Variants in PCLO observed in about 807,000 individuals in gnomAD.
The protein encoded by PCLO is piccolo presynaptic cytomatrix protein, also known as protein piccolo.
Under a neutral mutation model 427.5 loss-of-function variants are expected in PCLO, and 82 were observed. That is an observed-to-expected ratio of 0.19 (90% CI 0.16 to 0.23). PCLO has a LOEUF of 0.23. Ranked by LOEUF, PCLO falls within the 10% of genes least tolerant of loss-of-function variation. PCLO has a pLI of 1.00. For synonymous variants in PCLO, 2,357 were observed against 2,155.4 expected (o/e 1.09, Z -2.59); for missense variants, 6,239 against 6,115.9 (o/e 1.02, Z -0.67).
At position 82,916,506 on chromosome 7, in the gene PCLO, A is replaced by T. The variant is rs780625728; in HGVS notation, c.11480T>A (p.Val3827Glu). 3.7e-5 allele frequency: 59 copies of T among 1,613,230 alleles called. No homozygotes were observed. Among genetic ancestry groups the T allele is most frequent in the Non-Finnish European group, 2.6e-5 (31 of 1,179,704 alleles). Residue 3827 changes from valine to glutamate, a missense_variant, in exon 7 of 25, where the codon GTA becomes GAA. This residue lies in a region of PCLO where 680 missense variants were observed against 677.3 expected (regional missense o/e 1.00). Transcript: ENST00000333891. ...EKRERAYLQG[V>E]AEDRDYMSDS... is the part of the protein sequence containing the mutation. ...AGACATGTAATCACGATCCTCAGCT[A>T]CTCCCTGGAGGTAGGCTCGTTCTCT...
At chr7:82,865,916 T>C (rs541967336) in intron 10 of PCLO, among the ~76,000 whole-genome samples, 1 of 152,168 alleles carries the variant, frequency 6.6e-6, no homozygotes, top group Admixed American at 6.5e-5. Context: ...AGTGATCCTA[T>C]TTAAACGTCA....
intron 3 of PCLO, among the ~76,000 whole-genome samples, chr7:83,102,222 T>C (rs1292036579): frequency 6.6e-6 from 1 of 151,960 alleles, no homozygotes; most frequent in Non-Finnish European, 1.5e-5. Context: ...ATCAGAATTA[T>C]CAACTCCTGC....
At chr7:82,803,644 C>G (rs1722466248) in intron 21 of PCLO, among the ~76,000 whole-genome samples, 1 of 151,400 alleles carries the variant, frequency 6.6e-6, no homozygotes, top group East Asian at 2.0e-4. Context: ...TTCCCAATGA[C>G]TACACTTTAG....
chr7:83,115,187 T>C (rs963330929), intron 3 of PCLO, among the ~76,000 whole-genome samples: 5 of 152,106 alleles, frequency 3.3e-5, no homozygotes, highest in African/African-American at 7.2e-5. Context: ...AAAGGTATAT[T>C]GTTACCGTGT....
At chr7:82,973,286 G>A (rs1411696901) in intron 3 of PCLO, among the ~76,000 whole-genome samples, 1 of 151,966 alleles carries the variant, frequency 6.6e-6, no homozygotes, top group African/African-American at 2.4e-5. Flanking sequence ...TTCTTTTACC[G>A]AGGCTGTGCA....
intron 22 of PCLO, among the ~76,000 whole-genome samples, chr7:82,800,885 A>C (rs1791334059): frequency 6.6e-6 from 1 of 152,000 alleles, no homozygotes; most frequent in African/African-American, 2.4e-5. Flanking sequence ...GTGCCCAGCC[A>C]GGGATACTAG....
chr7:82,965,639 CTTCT>C (rs1428856559), intron 4 of PCLO, 128 bp downstream of exon 4: 3 of 616,042 alleles, frequency 4.9e-6, no homozygotes, highest in Non-Finnish European at 8.4e-6. Context: ...AAGTGTTATA[CTTCT>C]TTAAGAATGT....
intron 3 of PCLO, among the ~76,000 whole-genome samples, chr7:83,036,427 G>T (rs1168010662): frequency 6.6e-6 from 1 of 152,162 alleles, no homozygotes; most frequent in Admixed American, 6.6e-5. Context: ...TTGATTGCTA[G>T]TTAATCTAGA....
intron 3 of PCLO, among the ~76,000 whole-genome samples, chr7:82,978,843 CACACACACACACAA>C (rs1358467931): frequency 1.8e-5 from 2 of 110,800 alleles, no homozygotes; most frequent in African/African-American, 3.7e-5. Flanking sequence ...GAAACACACA[CACACACACACACAA>C]ACACACACAC....
Position 82,915,885 on chromosome 7 carries a change from A to G in PCLO, c.12101T>C (p.Phe4034Ser). Residue 4034 changes from phenylalanine to serine, a missense_variant, in exon 7 of 25, where the codon TTC becomes TCC. Phe to Ser is a radical substitution (Grantham distance 155). Coordinates refer to ENST00000333891, the MANE Select transcript of PCLO (RefSeq NM_033026.6). ...SPISSISADSFYADIDHHTPR... is the reference protein window; with the variant it reads ...SPISSISADSSYADIDHHTPR... ...AGTATGGTGATCAATATCTGCATAG[A>G]AAGAATCTGCAGATATGCTTGATAT... 1 of 1,613,512 alleles carries G rather than the reference A, an allele frequency of 6.2e-7. No individual in the cohort carries two copies. Among genetic ancestry groups the G allele is most frequent in the Non-Finnish European group, 8.5e-7 (1 of 1,179,724 alleles).
chr7:82,824,934 G>A (rs1239511979), intron 18 of PCLO, among the ~76,000 whole-genome samples: 1 of 151,940 alleles, frequency 6.6e-6, no homozygotes, highest in Non-Finnish European at 1.5e-5. Context: ...GGGCGACAGA[G>A]CAAGATTCTG....
At chr7:83,017,101 T>C (rs969117916) in intron 3 of PCLO, among the ~76,000 whole-genome samples, 1 of 152,036 alleles carries the variant, frequency 6.6e-6, no homozygotes, top group Non-Finnish European at 1.5e-5. Context: ...CAAAAAATGA[T>C]TTACTAAAGA....
intron 2 of PCLO, among the ~76,000 whole-genome samples, chr7:83,151,552 G>A (rs1428665894): frequency 6.6e-6 from 1 of 152,186 alleles, no homozygotes; most frequent in Non-Finnish European, 1.5e-5. Flanking sequence ...ATAAGGAAAT[G>A]CCTTCCTTTA....
In PCLO at chr7:82,908,920, T is replaced by C; in HGVS notation, c.13394A>G (p.Glu4465Gly). ...GAGTGGTCTAGAGTGGACCAATCTT[T>C]CCGGCAGTTTTCGGTCCAGACCATG... Reference protein sequence around the residue: ...NGHGLDRKLPERLVHSRPLSQ... With the variant: ...NGHGLDRKLPGRLVHSRPLSQ... Residue 4465 changes from glutamate (E) to glycine (G), a missense_variant, in exon 8 of 25, where the codon GAA (glutamate) becomes GGA (glycine). This residue lies in a region of PCLO where 877 missense variants were observed against 925.5 expected (regional missense o/e 0.95). Coordinates refer to ENST00000333891, the MANE Select transcript of PCLO (RefSeq NM_033026.6). 1 of 1,613,020 alleles carries C rather than the reference T, an allele frequency of 6.2e-7. No homozygotes were observed. Among genetic ancestry groups the C allele is most frequent in the Non-Finnish European group, 8.5e-7 (1 of 1,179,240 alleles).
intron 3 of PCLO, among the ~76,000 whole-genome samples, chr7:83,071,198 G>A (rs1789807563): frequency 1.3e-5 from 2 of 151,884 alleles, no homozygotes; most frequent in Admixed American, 6.6e-5. Flanking sequence ...TGACCTTTAG[G>A]CAGTAACTCC....
chr7:82,886,636 G>A (rs1256070624), intron 9 of PCLO, among the ~76,000 whole-genome samples: 1 of 152,048 alleles, frequency 6.6e-6, no homozygotes, highest in Admixed American at 6.6e-5. Flanking sequence ...CGGTGAAGGA[G>A]GTATTCAATA....
chr7:82,922,585 G>T (rs1794622659), intron 6 of PCLO, among the ~76,000 whole-genome samples: 1 of 151,880 alleles, frequency 6.6e-6, no homozygotes, highest in African/African-American at 2.4e-5. Context: ...TGGGGTCTGA[G>T]GGTGGAGAGT....
intron 3 of PCLO, among the ~76,000 whole-genome samples, chr7:83,031,895 CCTTA>C (rs1386625510): frequency 6.6e-6 from 1 of 152,058 alleles, no homozygotes; most frequent in Non-Finnish European, 1.5e-5. Flanking sequence ...TAATAATTCC[CCTTA>C]CTTTACTTAA....
chr7:83,111,665 C>T (rs1791004417), intron 3 of PCLO, among the ~76,000 whole-genome samples: 2 of 152,182 alleles, frequency 1.3e-5, no homozygotes, highest in Admixed American at 6.5e-5. Context: ...GGAACTAGAC[C>T]TCGAGTGCAG....
Sources: gnomAD v4.1 joint callset for allele counts (sites outside exome capture counted in the v4.1 genomes callset) on GRCh38, gnomAD v4.1.1 for gene constraint, gnomAD v4.1.1 regional missense constraint, MANE v1.5 for transcripts, NCBI Gene and HGNC (gene_info 2026-07-23, HGNC 2026-07-21) for gene names.